Variants in TMEM132E observed in about 807,000 individuals in gnomAD.
TMEM132E encodes the protein transmembrane protein 132E.
A neutral mutation model predicts 78.5 loss-of-function variants in TMEM132E; 49 were observed. That is an observed-to-expected ratio of 0.62 (90% CI 0.50 to 0.79). TMEM132E has a LOEUF of 0.79. Ranked by LOEUF, TMEM132E falls within the 30% of genes least tolerant of loss-of-function variation. TMEM132E has a pLI of 0.00. For missense variants in TMEM132E, 1,403 were observed against 1,470.9 expected (o/e 0.95, Z 0.75); for synonymous variants, 715 against 670.6 (o/e 1.07, Z -1.02).
At position 34,637,852 on chromosome 17, in the gene TMEM132E, G is replaced by A. The variant is rs1231029348; in HGVS notation, c.2845G>A (p.Glu949Lys). The change falls in exon 9 of 9, where the codon GAG (glutamate) becomes AAG (lysine). Residue 949 changes from glutamate to lysine, a missense_variant. Around this residue, in one of 3 missense-constraint regions of TMEM132E, gnomAD observed 888 missense variants for 952.8 expected, o/e 0.93. Transcript: ENST00000631683. ...CGGGCAGCCGCTGCGGGTGCAAGGA[G>A]AGCTGTCGCCGCCAGCAGGCAACCC... The part of the protein sequence containing the change: ...GNGQPLRVQG[E>K]LSPPAGNPLE... 7 of 1,609,830 alleles carry A rather than the reference G, an allele frequency of 4.3e-6. 1 individual carries two copies. The highest frequency in any genetic ancestry group is 1.1e-5 in the South Asian group (1 of 91,014).
intron 1 of TMEM132E, among the ~76,000 whole-genome samples, chr17:34,608,427 A>C (rs1248203612): frequency 1.3e-5 from 2 of 152,230 alleles, no homozygotes; most frequent in East Asian, 3.8e-4. Flanking sequence ...AGACGGATGC[A>C]TATTCTCATG....
At chr17:34,628,341 G>A (rs1016244960) in intron 2 of TMEM132E, among the ~76,000 whole-genome samples, 2 of 152,196 alleles carry the variant, frequency 1.3e-5, no homozygotes, top group Non-Finnish European at 2.9e-5. Context: ...GCAGGGATAC[G>A]GTAGAAGGGA....
At chr17:34,588,081 C>G (rs1905740580) in intron 1 of TMEM132E, among the ~76,000 whole-genome samples, 1 of 152,222 alleles carries the variant, frequency 6.6e-6, no homozygotes, top group Admixed American at 6.5e-5. Flanking sequence ...GAGCCTTTCT[C>G]TTCCCTTGCC....
Position 34,635,680 on chromosome 17 carries a change from C to T in TMEM132E, c.1978-327C>T, listed in dbSNP as rs146089216. Reference sequence around the variant, plus strand: ...TGAGTTCCCTCATTTTCTAAGTTGTCGCCACTCCCTTTTGTCTCCCTGACA... The same window carrying T: ...TGAGTTCCCTCATTTTCTAAGTTGTTGCCACTCCCTTTTGTCTCCCTGACA... On this transcript the variant is annotated intron_variant, in intron 7 of 8. Coordinates refer to ENST00000631683, the MANE Select transcript of TMEM132E (RefSeq NM_001304438.2). 4.3e-3 allele frequency: 1,139 copies of T among 261,984 alleles called. 15 individuals are homozygous for T. The highest frequency in any genetic ancestry group is 0.023 in the African/African-American group (1,054 of 45,532). 16.2% of individuals were successfully genotyped at this position (261,984 alleles called of 1,614,324 possible).
intron 4 of TMEM132E, 91 bp from the exon 5 acceptor site, chr17:34,629,917 G>GT (rs1368354738): frequency 1.8e-5 from 25 of 1,410,884 alleles, no homozygotes; most frequent in East Asian, 2.5e-5. Flanking sequence ...TGAGGAGTGG[G>GT]GGGGGAGCGT....
At chr17:34,632,390 T>G (rs1340305595) in intron 5 of TMEM132E, among the ~76,000 whole-genome samples, 1 of 152,220 alleles carries the variant, frequency 6.6e-6, no homozygotes, top group African/African-American at 2.4e-5. Flanking sequence ...TGAGAGGCCC[T>G]CACCCTGGAG....
rs1254810239 is a variant in TMEM132E, at chr17:34,597,108, C to T, written c.67+15965C>T. 9.2e-5 allele frequency among the ~76,000 whole-genome samples: 14 copies of T among 152,252 alleles called. No homozygotes were observed. In the South Asian group the frequency reaches 2.3e-3, roughly 25 times the overall value. On this transcript the variant is annotated intron_variant, in intron 1 of 8. Coordinates refer to ENST00000631683, the MANE Select transcript of TMEM132E (RefSeq NM_001304438.2). ...AGCCACCGTATCAGACAGGGAGCTC[C>T]TCAGGACAGCAGTATCCTCCCCTTC...
chr17:34,615,099 A>T (rs946152116), intron 1 of TMEM132E, among the ~76,000 whole-genome samples: 1 of 152,170 alleles, frequency 6.6e-6, no homozygotes, highest in Non-Finnish European at 1.5e-5. Flanking sequence ...TAAGTCTCTC[A>T]TACCACCTTG....
At chr17:34,622,001 C>A (rs981518497) in intron 1 of TMEM132E, among the ~76,000 whole-genome samples, 1 of 152,238 alleles carries the variant, frequency 6.6e-6, no homozygotes, top group Non-Finnish European at 1.5e-5. Flanking sequence ...CACCCCACAT[C>A]TGTCTTCCTT....
chr17:34,616,098 CT>C (rs1906770682), intron 1 of TMEM132E, among the ~76,000 whole-genome samples: 1 of 152,066 alleles, frequency 6.6e-6, no homozygotes, highest in South Asian at 2.1e-4. Flanking sequence ...TTTTTCTCAT[CT>C]GTAAGGTGTA....
At chr17:34,627,567 C>G (rs1046721967) in intron 2 of TMEM132E, among the ~76,000 whole-genome samples, 1 of 151,080 alleles carries the variant, frequency 6.6e-6, no homozygotes, top group African/African-American at 2.4e-5. Flanking sequence ...CCAGCTCTTT[C>G]TATCCTTCTA....
chr17:34,621,520 CA>C (rs1158352703), intron 1 of TMEM132E, among the ~76,000 whole-genome samples: 1 of 152,164 alleles, frequency 6.6e-6, no homozygotes, highest in Non-Finnish European at 1.5e-5. Flanking sequence ...ATCTCAAGGG[CA>C]GGGCACAGTT....
chr17:34,616,756 A>G (rs1462878944), intron 1 of TMEM132E, among the ~76,000 whole-genome samples: 1 of 152,156 alleles, frequency 6.6e-6, no homozygotes, highest in Non-Finnish European at 1.5e-5. Context: ...CCCAGACCTC[A>G]GGGAGGCACT....
chr17:34,613,211 A>ACG (rs1555563343), intron 1 of TMEM132E, among the ~76,000 whole-genome samples: 55 of 115,976 alleles, frequency 4.7e-4, no homozygotes, highest in Admixed American at 1.2e-3. Context: ...ACACACACAC[A>ACG]CGCGCGCGCG....
At chr17:34,616,914 C>G (rs530858324) in intron 1 of TMEM132E, among the ~76,000 whole-genome samples, 101 of 152,350 alleles carry the variant, frequency 6.6e-4, no homozygotes, top group African/African-American at 2.4e-3. Context: ...AGCAGCCCCT[C>G]ACTAGGCACC....
chr17:34,623,722 AG>A (rs1191987140), intron 1 of TMEM132E, among the ~76,000 whole-genome samples: 3 of 152,228 alleles, frequency 2.0e-5, no homozygotes, highest in African/African-American at 7.2e-5. Flanking sequence ...AGTCTGTGGC[AG>A]GGAGAGGGCT....
At chr17:34,601,279 C>T (rs1906228988) in intron 1 of TMEM132E, among the ~76,000 whole-genome samples, 2 of 152,186 alleles carry the variant, frequency 1.3e-5, no homozygotes, top group African/African-American at 2.4e-5. Context: ...GGAGGCAGAC[C>T]GCATCTTGTG....
At chr17:34,632,622 G>T (rs1567721518) in intron 5 of TMEM132E, 82 bp from the exon 6 acceptor site, 5 of 1,473,690 alleles carry the variant, frequency 3.4e-6, no homozygotes, top group Non-Finnish European at 4.7e-6. Context: ...CTCCAGCCCT[G>T]GTTGTCAGAC....
intron 4 of TMEM132E, 62 bp downstream of exon 4, chr17:34,629,266 T>C: frequency 6.4e-7 from 1 of 1,554,264 alleles, no homozygotes; most frequent in Non-Finnish European, 8.8e-7. Context: ...CACATTTGTG[T>C]GACAAGAATG....
Sources: allele counts gnomAD v4.1 joint callset (sites outside exome capture counted in the v4.1 genomes callset), GRCh38; gene constraint gnomAD v4.1.1; regional missense constraint gnomAD v4.1.1; transcripts MANE v1.5; gene names NCBI Gene and HGNC (gene_info 2026-07-23, HGNC 2026-07-21).